ZRANB2: variants seen among roughly 807,000 people sequenced by gnomAD.
The protein encoded by ZRANB2 is zinc finger RANBP2-type containing 2, also known as zinc finger Ran-binding domain-containing protein 2.
A neutral mutation model predicts 53.4 loss-of-function variants in ZRANB2; 19 were observed. That is an observed-to-expected ratio of 0.36 (90% CI 0.25 to 0.52). ZRANB2 has a LOEUF of 0.52. Among genes scored for constraint, ZRANB2 ranks in the 20% least tolerant of loss-of-function variants. The pLI is 0.93. For missense variants in ZRANB2, 309 were observed against 401.1 expected (o/e 0.77, Z 1.96); for synonymous variants, 145 against 134.8 (o/e 1.08, Z -0.52).
chr1:71,072,983 T>TA (rs1052487003), intron 4 of ZRANB2, among the ~76,000 whole-genome samples: 2 of 152,154 alleles, frequency 1.3e-5, no homozygotes, highest in African/African-American at 4.8e-5. Context: ...TTTGCTACTT[T>TA]AAAATGTAGC....
intron 8 of ZRANB2, chr1:71,067,203 T>G (rs186002934): frequency 4.2e-4 from 109 of 257,176 alleles, no homozygotes; most frequent in Non-Finnish European, 7.0e-4. Flanking sequence ...AAACTTTTTT[T>G]AAGGCTTTTC....
At chr1:71,072,418 A>AT in intron 5 of ZRANB2, 54 bp downstream of exon 5, 7 of 1,536,146 alleles carry the variant, frequency 4.6e-6, no homozygotes, top group Admixed American at 2.1e-5. Flanking sequence ...GCATTTAAGA[A>AT]TTTTTTCTGT....
rs1192800279 is a variant in ZRANB2, at chr1:71,065,264, G to A, written c.930-127C>T. The stretch of plus-strand genomic sequence containing the variant: ...TGCTAGCAAAAAAATTAAAAATTGA[G>A]ATAGGAACTTACACACATAAAATTA... On this transcript the variant is annotated intron_variant, in intron 9 of 9. Coordinates refer to ENST00000370920, the MANE Select transcript of ZRANB2 (RefSeq NM_203350.3). The A allele has an allele frequency of 1.1e-5, 7 of 658,478 alleles. No homozygotes were observed. In the East Asian group the frequency reaches 2.1e-4, roughly 19 times the overall value. The allele number at this position is 658,478 out of a possible 1,614,324, so 40.8% of individuals were successfully genotyped here.
intron 4 of ZRANB2, 94 bp downstream of exon 4, chr1:71,076,701 T>A: frequency 1.1e-6 from 1 of 933,506 alleles, no homozygotes; most frequent in East Asian, 2.6e-5. Context: ...GAATCCTCAC[T>A]TACTGTGGCT....
At chr1:71,072,789 T>TAAA (rs1448904054) in intron 4 of ZRANB2, among the ~76,000 whole-genome samples, 2 of 152,142 alleles carry the variant, frequency 1.3e-5, no homozygotes, top group African/African-American at 4.8e-5. Context: ...CTACATGACT[T>TAAA]ATTTAATTCA....
At chr1:71,069,991 G>A (rs1446971968) in intron 7 of ZRANB2, among the ~76,000 whole-genome samples, 1 of 151,976 alleles carries the variant, frequency 6.6e-6, no homozygotes, top group Non-Finnish European at 1.5e-5. Flanking sequence ...ATAATACCCT[G>A]TAGAAAAAGA....
rs1392478819 is a variant in ZRANB2, at chr1:71,069,170, A to G, written c.770+106T>C. 5.8e-6 allele frequency: 5 copies of G among 862,902 alleles called. No individual in the cohort carries two copies. The East Asian group carries it at 1.1e-4, about 18-fold the overall frequency. The allele number at this position is 862,902 out of a possible 1,614,324, so 53.5% of individuals were successfully genotyped here. On this transcript the variant is annotated intron_variant, in intron 8 of 9. Transcript: ENST00000370920. ...TGCATTAGTTTTCTAATGCTAAAAT[A>G]AAATCGACAAGTAGAAGCAAAATAA...
At chr1:71,067,978 G>C (rs1661492067) in intron 8 of ZRANB2, among the ~76,000 whole-genome samples, 1 of 151,198 alleles carries the variant, frequency 6.6e-6, no homozygotes, top group Non-Finnish European at 1.5e-5. Flanking sequence ...CAGGGCTCCA[G>C]TGATCCTTCC....
At position 71,063,405 on chromosome 1, in the gene ZRANB2, CTTAG is replaced by C. The variant is rs1045929475; in HGVS notation, c.*1665_*1668del. 2 of 152,540 alleles carry C rather than the reference CTTAG, an allele frequency of 1.3e-5. No individual in the cohort carries two copies. Among genetic ancestry groups the C allele is most frequent in the Non-Finnish European group, 2.9e-5 (2 of 67,906 alleles). 9.4% of individuals were successfully genotyped at this position (152,540 alleles called of 1,614,324 possible). A position where few individuals can be genotyped will look rare whatever the true frequency, so the allele number is the denominator to read the frequency against. ...TTCCTTATGAAATGAACTAGTACAG[CTTAG>C]TTAAACCAAATGAAATCATAATCAT... On this transcript the variant is annotated 3_prime_UTR_variant, in exon 10 of 10. Transcript: ENST00000370920.
intron 8 of ZRANB2, chr1:71,067,165 C>T (rs1281705258): frequency 5.6e-6 from 2 of 358,156 alleles, no homozygotes; most frequent in African/African-American, 4.2e-5. Flanking sequence ...GTAATTAAAA[C>T]CCTGCTTACT....
chr1:71,081,006 A>G lies in ZRANB2; in HGVS notation c.-11T>C, dbSNP rs1254010370. 1.2e-6 allele frequency: 2 copies of G among 1,613,920 alleles called. No homozygotes were observed. Among genetic ancestry groups the G allele is most frequent in the African/African-American group, 1.3e-5 (1 of 74,868 alleles). On this transcript the variant is annotated 5_prime_UTR_variant, in exon 1 of 10. Transcript: ENST00000370920. ...ATTCTTGGTCGACATCTTGAACGCC[A>G]CCAGCACAGCCACCCGCAGCTATGT...
At chr1:71,066,974 GAAGA>G (rs1661458017) in intron 8 of ZRANB2, 40 bp from the exon 9 acceptor site, 1 of 1,529,620 alleles carries the variant, frequency 6.5e-7, no homozygotes, top group Admixed American at 2.2e-5. Context: ...TTCATTAAAA[GAAGA>G]AATAAGGAAG....
chr1:71,067,536 G>A (rs1255684177), intron 8 of ZRANB2: 4 of 345,888 alleles, frequency 1.2e-5, no homozygotes, highest in Non-Finnish European at 1.1e-5. Flanking sequence ...GAAATATGAA[G>A]TGTTGACATT....
At position 71,070,839 on chromosome 1, in the gene ZRANB2, C is replaced by T; in HGVS notation, c.671G>A (p.Arg224Lys). 3.8e-6 allele frequency: 6 copies of T among 1,593,644 alleles called. No individual in the cohort carries two copies. Among genetic ancestry groups the T allele is most frequent in the Non-Finnish European group, 5.1e-6 (6 of 1,169,306 alleles). The change falls in exon 7 of 10, where the codon AGG becomes AAG. Residue 224 changes from arginine (R) to lysine (K), a missense_variant. Around this residue, in one of 3 missense-constraint regions of ZRANB2, gnomAD observed 211 missense variants for 196.1 expected, o/e 1.08. Transcript: ENST00000370920. ...SSRSSSPSSS[R>K]SRSRSRSRSS... is the part of the protein sequence containing the mutation. ...TGTACCCGTTTACCTGGACCTAGACCTTGAACTTGAGGGGGAGGATGAGCG... is the reference window on the plus strand; with the variant it reads ...TGTACCCGTTTACCTGGACCTAGACTTTGAACTTGAGGGGGAGGATGAGCG...
chr1:71,077,299 G>A (rs1661730815), intron 3 of ZRANB2, among the ~76,000 whole-genome samples: 2 of 152,074 alleles, frequency 1.3e-5, no homozygotes, highest in South Asian at 2.1e-4. Context: ...AAACATTTCA[G>A]GTAAGTGATA....
chr1:71,076,308 C>T (rs1341079411), intron 4 of ZRANB2, among the ~76,000 whole-genome samples: 1 of 152,174 alleles, frequency 6.6e-6, no homozygotes, highest in Non-Finnish European at 1.5e-5. Flanking sequence ...ATGTTGGAAA[C>T]CCACCGCCAA....
chr1:71,066,542 G>T, intron 9 of ZRANB2: 1 of 370,616 alleles, frequency 2.7e-6, no homozygotes, highest in South Asian at 8.8e-5. Context: ...AATTATAAAT[G>T]GAACTAAAAA....
chr1:71,067,572 T>C, intron 8 of ZRANB2: 3 of 395,158 alleles, frequency 7.6e-6, no homozygotes, highest in South Asian at 5.6e-5. Context: ...GAAGTAAATG[T>C]GCAAATGTTT....
In ZRANB2 at chr1:71,064,223, G is replaced by C. The variant is rs959042690; in HGVS notation, c.*851C>G. On this transcript the variant is annotated 3_prime_UTR_variant, in exon 10 of 10. Transcript: ENST00000370920. ...TCTCCATTGGCCTTTCACCAAAAGAGAAATATACTTTAAAAGCTTACTTCA... is the reference window on the plus strand; with the variant it reads ...TCTCCATTGGCCTTTCACCAAAAGACAAATATACTTTAAAAGCTTACTTCA... The C allele has an allele frequency of 6.6e-6, 1 of 152,244 alleles. No homozygotes were observed. The highest frequency in any genetic ancestry group is 6.6e-5 in the Admixed American group (1 of 15,232). The allele number at this position is 152,244 out of a possible 1,614,324, so 9.4% of individuals were successfully genotyped here.
Sources: gnomAD v4.1 joint callset for allele counts (sites outside exome capture counted in the v4.1 genomes callset) on GRCh38, gnomAD v4.1.1 for gene constraint, gnomAD v4.1.1 regional missense constraint, MANE v1.5 for transcripts, NCBI Gene and HGNC (gene_info 2026-07-23, HGNC 2026-07-21) for gene names.